Variants in UGGT1 observed in about 807,000 individuals in gnomAD.
UGGT1 encodes UDP-glucose:glycoprotein glucosyltransferase 1.
A neutral mutation model predicts 203.9 loss-of-function variants in UGGT1; 107 were observed. The observed-to-expected ratio is 0.52, with a 90% CI of 0.45 to 0.62. The LOEUF is 0.62. UGGT1 is among the 20% of genes least tolerant of loss of function. The pLI, the probability that UGGT1 is intolerant of heterozygous loss-of-function variation, is 0.00. For missense variants in UGGT1, 1,673 were observed against 1,867.2 expected (o/e 0.90, Z 1.92); for synonymous variants, 628 against 653.5 (o/e 0.96, Z 0.59).
chr2:128,108,124 A>G, intron 4 of UGGT1, 56 bp downstream of exon 4: 1 of 1,587,478 alleles, frequency 6.3e-7, no homozygotes, highest in Middle Eastern at 1.7e-4. Flanking sequence ...TGATGAATGG[A>G]TGGACCCCAG....
intron 27 of UGGT1, among the ~76,000 whole-genome samples, chr2:128,170,914 ACTCTGAGGCCTGTAGTTTT>A (rs1691063505): frequency 6.6e-6 from 1 of 151,858 alleles, no homozygotes; most frequent in African/African-American, 2.4e-5. Flanking sequence ...GTGAGCGGTG[ACTCTGAGGCCTGTAGTTTT>A]TCCATGATCT....
rs546635507 is a variant in UGGT1, at chr2:128,161,202, T to C, written c.2759T>C (p.Ile920Thr). ...GACGATTTCCACCTCCTCGAAAATA[T>C]CATCTTAAAAACCTCAGGACAGAAA... ...NQDDFHLLEN[I>T]ILKTSGQKIK... The change falls in exon 25 of 41, where the codon ATC becomes ACC. Residue 920 changes from isoleucine to threonine, a missense_variant. Around this residue, in one of 4 missense-constraint regions of UGGT1, gnomAD observed 1,073 missense variants for 1,078.7 expected, o/e 0.99. Transcript: ENST00000259253. 5.0e-6 allele frequency: 8 copies of C among 1,614,010 alleles called. No individual in the cohort carries two copies. In the South Asian group the frequency reaches 5.5e-5, roughly 11 times the overall value.
rs1435973264 is a variant in UGGT1 at position 128,172,778 on chromosome 2, T to C, written c.3294+16T>C. On this transcript the variant is annotated intron_variant, in intron 29 of 40. Transcript: ENST00000259253. ...TTTAGAAGAGGTAAGACCATATCTA[T>C]TGCTTCCAAATACCTAATCATGTAT... 6.2e-7 allele frequency: 1 copy of C among 1,605,774 alleles called. No homozygotes were observed. Among genetic ancestry groups the C allele is most frequent in the East Asian group, 2.2e-5 (1 of 44,768 alleles).
intron 18 of UGGT1, among the ~76,000 whole-genome samples, chr2:128,148,103 C>T (rs1175635344): frequency 3.3e-5 from 5 of 151,992 alleles, no homozygotes; most frequent in Non-Finnish European, 7.4e-5. Flanking sequence ...GCTCTATTGC[C>T]CAGGCTGGAG....
intron 32 of UGGT1, 50 bp downstream of exon 32, chr2:128,176,948 A>G (rs754402116): frequency 6.5e-7 from 1 of 1,541,868 alleles, no homozygotes; most frequent in Non-Finnish European, 9.0e-7. Flanking sequence ...GCTGTCATTT[A>G]AAAATATGTA....
intron 15 of UGGT1, 71 bp downstream of exon 15, chr2:128,135,032 T>A: frequency 7.6e-7 from 1 of 1,320,264 alleles, no homozygotes; most frequent in South Asian, 1.2e-5. Context: ...TAAATGCAAG[T>A]CTGGTGCTAC....
At chr2:128,181,754 C>T (rs56757356) in intron 36 of UGGT1, among the ~76,000 whole-genome samples, 3 of 152,186 alleles carry the variant, frequency 2.0e-5, no homozygotes, top group South Asian at 4.1e-4. Flanking sequence ...TGAGTACTTA[C>T]GATGGGCAAG....
chr2:128,159,802 A>G, intron 23 of UGGT1, 82 bp downstream of exon 23: 1 of 1,378,676 alleles, frequency 7.3e-7, no homozygotes, highest in Non-Finnish European at 1.0e-6. Context: ...TGTCCGGTTC[A>G]TGATCACGAT....
At chr2:128,107,078 C>A (rs1423822395) in intron 3 of UGGT1, among the ~76,000 whole-genome samples, 1 of 152,046 alleles carries the variant, frequency 6.6e-6, no homozygotes, top group African/African-American at 2.4e-5. Context: ...TTGTTTCTTC[C>A]TTGACCCTGT....
At chr2:128,114,699 TTC>T (rs1688019481) in intron 6 of UGGT1, among the ~76,000 whole-genome samples, 1 of 152,230 alleles carries the variant, frequency 6.6e-6, no homozygotes, top group African/African-American at 2.4e-5. Context: ...GAACTTCTTT[TTC>T]TCTTTCTCCA....
At chr2:128,111,365 A>G (rs1687840930) in intron 5 of UGGT1, among the ~76,000 whole-genome samples, 3 of 152,232 alleles carry the variant, frequency 2.0e-5, no homozygotes, top group Admixed American at 6.5e-5. Flanking sequence ...CAAAACAAAA[A>G]CAGAAACAAA....
At position 128,133,244 on chromosome 2, in the gene UGGT1, A is replaced by G; in HGVS notation, c.1481A>G (p.Lys494Arg). The change falls in exon 14 of 41, where the codon AAA becomes AGA. Residue 494 changes from lysine to arginine, a missense_variant. Coordinates refer to ENST00000259253, the MANE Select transcript of UGGT1 (RefSeq NM_020120.4). ...TFPGVIRQIR[K>R]NLHNMVFIVD... ...CCTGGTGTTATTCGGCAGATCAGGA[A>G]AAACTTACATAATATGGTAAGTAAA... The G allele has an allele frequency of 6.2e-7, 1 of 1,613,850 alleles. No homozygotes were observed. Among genetic ancestry groups the G allele is most frequent in the East Asian group, 2.2e-5 (1 of 44,866 alleles).
chr2:128,138,169 G>A (rs1689224453), intron 15 of UGGT1, among the ~76,000 whole-genome samples: 1 of 152,132 alleles, frequency 6.6e-6, no homozygotes, highest in Admixed American at 6.5e-5. Context: ...CGTGGAAATG[G>A]CTTGCTTTAA....
At position 128,129,420 on chromosome 2, in the gene UGGT1, A is replaced by G. The variant is rs1293948628; in HGVS notation, c.1377+241A>G. On this transcript the variant is annotated intron_variant, in intron 13 of 40. Coordinates refer to ENST00000259253, the MANE Select transcript of UGGT1 (RefSeq NM_020120.4). ...TGATTTTTTTTTTTTTTTTTTCAAG[A>G]CAGAGTCTTGCTCTGTTGTCCAGGC... 6.2e-5 allele frequency among the ~76,000 whole-genome samples: 9 copies of G among 145,306 alleles called. No individual in the cohort carries two copies. The Admixed American group carries it at 6.2e-4, about 10-fold the overall frequency.
In UGGT1 at chr2:128,105,416, C is replaced by T. The variant is rs577832990; in HGVS notation, c.277+1402C>T. On this transcript the variant is annotated intron_variant, in intron 3 of 40. Transcript: ENST00000259253. ...TGGTCTCAGACTCCTAGGGCTCAAGCGATCCTCCTGCCTTGGCATTCCAAA... is the reference window on the plus strand; with the variant it reads ...TGGTCTCAGACTCCTAGGGCTCAAGTGATCCTCCTGCCTTGGCATTCCAAA... 5.3e-5 allele frequency among the ~76,000 whole-genome samples: 8 copies of T among 151,446 alleles called. No individual in the cohort carries two copies. The East Asian group carries it at 7.8e-4, about 15-fold the overall frequency.
intron 19 of UGGT1, among the ~76,000 whole-genome samples, chr2:128,153,865 A>C (rs1484553115): frequency 6.6e-6 from 1 of 152,176 alleles, no homozygotes; most frequent in Non-Finnish European, 1.5e-5. Flanking sequence ...AATAAGATGG[A>C]ACTGTCATCA....
chr2:128,110,953 A>G lies in UGGT1; in HGVS notation c.521+1207A>G, dbSNP rs564160453. Among the ~76,000 whole-genome samples, 14 of 152,322 alleles carry G rather than the reference A, an allele frequency of 9.2e-5. No homozygotes were observed. The East Asian group carries it at 2.3e-3, about 25-fold the overall frequency. On this transcript the variant is annotated intron_variant, in intron 5 of 40. Transcript: ENST00000259253. ...TTTCTGCTGAGTTGTATAGTTTATT[A>G]TAATAGAGACTGGTAGGTCATAAAG...
At chr2:128,150,576 TCTGTGTGTGC>T (rs756889502) in intron 18 of UGGT1, among the ~76,000 whole-genome samples, 99 of 152,142 alleles carry the variant, frequency 6.5e-4, no homozygotes, top group Non-Finnish European at 5.3e-4. Flanking sequence ...TGTGTGTGTG[TCTGTGTGTGC>T]ACGCATGTGT....
intron 26 of UGGT1, 40 bp from the exon 27 acceptor site, chr2:128,170,248 G>A (rs1558815583): frequency 1.3e-6 from 2 of 1,587,052 alleles, no homozygotes; most frequent in Admixed American, 1.7e-5. Flanking sequence ...TTTGTTTCCT[G>A]TGTCCTCCAG....
Sources: allele counts gnomAD v4.1 joint callset (sites outside exome capture counted in the v4.1 genomes callset), GRCh38; gene constraint gnomAD v4.1.1; regional missense constraint gnomAD v4.1.1; transcripts MANE v1.5; gene names NCBI Gene and HGNC (gene_info 2026-07-23, HGNC 2026-07-21).